The following UBOX5 variants were observed in gnomAD, a reference collection of about 807,000 sequenced individuals.
The protein encoded by UBOX5 is U-box domain containing 5, also known as RING finger protein 37.
A neutral mutation model predicts 39.0 loss-of-function variants in UBOX5; 28 were observed. The ratio of observed to expected loss-of-function variants is 0.72; its 90% CI spans 0.53 to 0.98. The LOEUF (loss-of-function observed/expected upper bound fraction) is 0.98, where lower values mean the gene tolerates loss of function less well. Among genes scored for constraint, UBOX5 ranks in the 50% least tolerant of loss-of-function variants. UBOX5 has a pLI of 0.00. For missense variants in UBOX5, 585 were observed against 674.4 expected, an observed-to-expected ratio of 0.87 and a Z score of 1.47; for synonymous variants, 283 against 275.5, an observed-to-expected ratio of 1.03 and a Z score of -0.27.
intron 4 of UBOX5, among the ~76,000 whole-genome samples, chr20:3,112,631 A>G (rs572557437): frequency 4.6e-5 from 7 of 152,246 alleles, no homozygotes; most frequent in African/African-American, 1.4e-4. Context: ...AAGGAGAGCA[A>G]GCACAAAGAA....
chr20:3,151,706 AAT>A (rs1024363275), intron 1 of UBOX5: 5 of 152,014 alleles, frequency 3.3e-5, no homozygotes, highest in Admixed American at 2.6e-4. Context: ...GTACTAAAAT[AAT>A]GTTTTTCTTT....
At chr20:3,117,779 G>A (rs2066304592) in intron 3 of UBOX5, among the ~76,000 whole-genome samples, 1 of 151,786 alleles carries the variant, frequency 6.6e-6, no homozygotes, top group Non-Finnish European at 1.5e-5. Flanking sequence ...ATCACCTGAG[G>A]TCAGGAGTTC....
At chr20:3,131,582 C>G (rs1246514418) in intron 1 of UBOX5, among the ~76,000 whole-genome samples, 1 of 152,316 alleles carries the variant, frequency 6.6e-6, no homozygotes, top group African/African-American at 2.4e-5. Context: ...AAGCCCTGTG[C>G]TAGGCACTGG....
chr20:3,121,572 G>A lies in UBOX5; in HGVS notation c.1067C>T (p.Ser356Phe), dbSNP rs1242955757. Reference sequence around the variant, plus strand: ...CCTTTTCTGAGAGGGCAGAACAATGGAAGAAGGGATCACTGCCAATGCCGT... The same window carrying A: ...CCTTTTCTGAGAGGGCAGAACAATGAAAGAAGGGATCACTGCCAATGCCGT... ...AQTALAVIPSSIVLPSQKRKI... is the reference protein window; with the variant it reads ...AQTALAVIPSFIVLPSQKRKI... Residue 356 changes from serine to phenylalanine, a missense_variant, in exon 3 of 5, where the codon TCC (serine) becomes TTC (phenylalanine). Ser to Phe is a radical substitution (Grantham distance 155, BLOSUM62 -2). Transcript: ENST00000217173. 5.0e-6 allele frequency: 8 copies of A among 1,606,808 alleles called. No homozygotes were observed. Among genetic ancestry groups the A allele is most frequent in the Non-Finnish European group, 6.8e-6 (8 of 1,176,454 alleles).
At chr20:3,125,554 A>G (rs866395264) in intron 1 of UBOX5, among the ~76,000 whole-genome samples, 168 of 48,902 alleles carry the variant, frequency 3.4e-3, no homozygotes, top group Admixed American at 5.0e-3. Context: ...GGTGAGGAGC[A>G]CCTCTGCCCG....
chr20:3,111,022 C>T (rs2066249939), intron 4 of UBOX5, among the ~76,000 whole-genome samples: 1 of 152,160 alleles, frequency 6.6e-6, no homozygotes, highest in African/African-American at 2.4e-5. Flanking sequence ...AGCCCTGCTC[C>T]TGACTCCTCA....
rs200068528 is a variant in UBOX5 at position 3,147,596 on chromosome 20, A to C, written c.-42+12170T>G. 5 of 1,614,224 alleles carry C rather than the reference A, an allele frequency of 3.1e-6. No homozygotes were observed. The East Asian group carries it at 1.1e-4, about 36-fold the overall frequency. On this transcript the variant is annotated intron_variant, in intron 1 of 4. Coordinates refer to ENST00000217173, the MANE Select transcript of UBOX5 (RefSeq NM_014948.4). Reference sequence around the variant, plus strand: ...CCTGACAAACCCTGGACTGAGAGCGAAATCAATTAACTCTACTGGAAAGTA... The same window carrying C: ...CCTGACAAACCCTGGACTGAGAGCGCAATCAATTAACTCTACTGGAAAGTA...
At chr20:3,126,033 A>G (rs1413657715) in intron 1 of UBOX5, among the ~76,000 whole-genome samples, 2 of 152,370 alleles carry the variant, frequency 1.3e-5, no homozygotes, top group Non-Finnish European at 2.9e-5. Context: ...GAACATCAAG[A>G]ACGGGCCATG....
intron 1 of UBOX5, among the ~76,000 whole-genome samples, chr20:3,158,709 C>T (rs945965193): frequency 6.6e-6 from 1 of 151,874 alleles, no homozygotes; most frequent in Non-Finnish European, 1.5e-5. Flanking sequence ...CTCCTGACCT[C>T]GTGATCCGCC....
At chr20:3,111,116 A>T (rs2066250806) in intron 4 of UBOX5, among the ~76,000 whole-genome samples, 1 of 152,166 alleles carries the variant, frequency 6.6e-6, no homozygotes, top group Admixed American at 6.5e-5. Flanking sequence ...AATGAGGGTC[A>T]CAGTGAGCAG....
At chr20:3,137,249 A>G (rs2066479407) in intron 1 of UBOX5, among the ~76,000 whole-genome samples, 1 of 151,448 alleles carries the variant, frequency 6.6e-6, no homozygotes, top group South Asian at 2.1e-4. Context: ...CCAACCAGAA[A>G]TTGTTTCTTT....
chr20:3,120,382 C>T (rs1486766692), intron 3 of UBOX5, among the ~76,000 whole-genome samples: 7 of 143,324 alleles, frequency 4.9e-5, no homozygotes, highest in Non-Finnish European at 1.0e-4. Context: ...AGTGCAGTGG[C>T]TTACATCTGT....
intron 1 of UBOX5, among the ~76,000 whole-genome samples, chr20:3,143,724 C>T (rs904424915): frequency 6.6e-6 from 1 of 152,006 alleles, no homozygotes; most frequent in African/African-American, 2.4e-5. Context: ...ACCTGGGAGG[C>T]GGAGCTTGCA....
intron 3 of UBOX5, among the ~76,000 whole-genome samples, chr20:3,117,597 T>C (rs1258684672): frequency 6.6e-6 from 1 of 152,146 alleles, no homozygotes; most frequent in Non-Finnish European, 1.5e-5. Flanking sequence ...AGCAGGAGAA[T>C]TGCTAGAATC....
intron 3 of UBOX5, 56 bp downstream of exon 3, chr20:3,121,328 G>A: frequency 6.4e-7 from 1 of 1,556,802 alleles, no homozygotes; most frequent in South Asian, 1.2e-5. Flanking sequence ...GCAGAGCTGA[G>A]AGCTCCTGGG....
At chr20:3,120,054 AT>A (rs149225314) in intron 3 of UBOX5, among the ~76,000 whole-genome samples, 1,655 of 152,024 alleles carry the variant, frequency 0.011, 36 homozygotes, top group African/African-American at 0.037. Context: ...CTTAAATCTC[AT>A]ACTCAAGAAT....
chr20:3,138,372 T>C (rs185478916), intron 1 of UBOX5, among the ~76,000 whole-genome samples: 8 of 152,072 alleles, frequency 5.3e-5, no homozygotes, highest in Admixed American at 2.6e-4. Flanking sequence ...GGAGAGGTAA[T>C]GGTGGGCATG....
intron 1 of UBOX5, among the ~76,000 whole-genome samples, chr20:3,152,441 G>T (rs571491026): frequency 2.0e-5 from 3 of 152,218 alleles, no homozygotes. Context: ...GGCAGAGGTT[G>T]CAGTGAGCTG....
At chr20:3,158,758 G>A (rs1339903369) in intron 1 of UBOX5, among the ~76,000 whole-genome samples, 1 of 152,376 alleles carries the variant, frequency 6.6e-6, no homozygotes, top group South Asian at 2.1e-4. Context: ...ACAGGCGTGA[G>A]CCACTGTGTC....
Sources: allele counts gnomAD v4.1 joint callset (sites outside exome capture counted in the v4.1 genomes callset), GRCh38; gene constraint gnomAD v4.1.1; transcripts MANE v1.5; gene names NCBI Gene and HGNC (gene_info 2026-07-23, HGNC 2026-07-21).